Variants in AUTS2 observed in about 807,000 individuals in gnomAD.
AUTS2 encodes the protein activator of transcription and developmental regulator AUTS2.
A neutral mutation model predicts 112.4 loss-of-function variants in AUTS2; 17 were observed. That is an observed-to-expected ratio of 0.15 (90% CI 0.10 to 0.23). The LOEUF (loss-of-function observed/expected upper bound fraction) is 0.23, where lower values mean the gene tolerates loss of function less well. AUTS2 is among the 10% of genes least tolerant of loss of function. AUTS2 has a pLI of 1.00. For missense variants in AUTS2, 1,510 were observed against 1,701.6 expected (o/e 0.89, Z 1.98); for synonymous variants, 751 against 702.7 (o/e 1.07, Z -1.09).
chr7:69,782,570 T>C (rs1260339526), intron 1 of AUTS2, among the ~76,000 whole-genome samples: 2 of 152,208 alleles, frequency 1.3e-5, no homozygotes, highest in East Asian at 1.9e-4. Context: ...TTTTCCCAGC[T>C]GGTTCCTGGG....
At chr7:70,245,080 ACTGC>A (rs1260218972) in intron 4 of AUTS2, among the ~76,000 whole-genome samples, 7 of 147,112 alleles carry the variant, frequency 4.8e-5, no homozygotes, top group African/African-American at 1.8e-4. Context: ...AGGTTGCACC[ACTGC>A]ACTCCAGCCT....
intron 1 of AUTS2, among the ~76,000 whole-genome samples, chr7:69,870,256 G>T (rs754271689): frequency 6.6e-6 from 1 of 151,260 alleles, no homozygotes; most frequent in East Asian, 1.9e-4. Context: ...TAGTAAGACC[G>T]GGGGAATTTG....
intron 6 of AUTS2, among the ~76,000 whole-genome samples, chr7:70,726,445 G>A (rs894485007): frequency 3.3e-5 from 5 of 151,946 alleles, no homozygotes; most frequent in Non-Finnish European, 4.4e-5. Context: ...TCCTATTGTC[G>A]TATATGTGAT....
intron 4 of AUTS2, among the ~76,000 whole-genome samples, chr7:70,244,851 G>C (rs897339907): frequency 6.6e-6 from 1 of 151,988 alleles, no homozygotes; most frequent in African/African-American, 2.4e-5. Context: ...CGGGTGCGGC[G>C]GTTCACACCT....
At chr7:70,583,694 A>G (rs73706107) in intron 5 of AUTS2, among the ~76,000 whole-genome samples, 1,921 of 152,326 alleles carry the variant, frequency 0.013, 37 homozygotes, top group African/African-American at 0.041. Context: ...TCCAGGCACC[A>G]TGACCGCTGA....
chr7:69,733,187 C>T lies in AUTS2; in HGVS notation c.309+133225C>T, dbSNP rs115200957. Among the ~76,000 whole-genome samples the T allele has an allele frequency of 2.8e-3, 431 of 152,234 alleles. 5 individuals carry two copies. Among genetic ancestry groups the T allele is most frequent in the African/African-American group, 0.01 (418 of 41,544 alleles). On this transcript the variant is annotated intron_variant, in intron 1 of 18. Transcript: ENST00000342771. ...CTCCTGAGGGGATAGAGATGACAGG[C>T]TTCTTTTAGATAATCACTGTCAGTG...
chr7:69,796,863 T>C (rs755737280), intron 1 of AUTS2, among the ~76,000 whole-genome samples: 10 of 152,196 alleles, frequency 6.6e-5, no homozygotes, highest in Non-Finnish European at 1.0e-4. Context: ...ATTGTGATTA[T>C]TTCTTTGTAA....
At chr7:70,041,643 T>C (rs1287522532) in intron 2 of AUTS2, among the ~76,000 whole-genome samples, 3 of 152,228 alleles carry the variant, frequency 2.0e-5, no homozygotes, top group Non-Finnish European at 4.4e-5. Flanking sequence ...TATGTATGTA[T>C]ATGTGTTTGC....
At chr7:70,098,837 G>T (rs1338280713) in intron 2 of AUTS2, among the ~76,000 whole-genome samples, 1 of 151,688 alleles carries the variant, frequency 6.6e-6, no homozygotes, top group African/African-American at 2.4e-5. Context: ...CGAGTAGCTG[G>T]GATTACAAGC....
chr7:70,331,213 C>G (rs1451151643), intron 4 of AUTS2, among the ~76,000 whole-genome samples: 1 of 152,158 alleles, frequency 6.6e-6, no homozygotes, highest in Non-Finnish European at 1.5e-5. Context: ...TTAATTGCTG[C>G]TTCAATTTCA....
chr7:70,031,152 T>A (rs1348245833), intron 2 of AUTS2, among the ~76,000 whole-genome samples: 5 of 152,200 alleles, frequency 3.3e-5, no homozygotes, highest in Admixed American at 2.0e-4. Flanking sequence ...CCCATTGTTT[T>A]ATTGTGAGGG....
chr7:69,932,834 A>G (rs1306517570), intron 2 of AUTS2, among the ~76,000 whole-genome samples: 1 of 152,186 alleles, frequency 6.6e-6, no homozygotes, highest in Admixed American at 6.5e-5. Context: ...ACCGTTGAGA[A>G]TTTGGTTCTC....
chr7:70,572,542 T>C (rs1801991729), intron 5 of AUTS2, among the ~76,000 whole-genome samples: 1 of 152,074 alleles, frequency 6.6e-6, no homozygotes, highest in Non-Finnish European at 1.5e-5. Flanking sequence ...TAATAAAGCA[T>C]TAAAGTTAAA....
intron 2 of AUTS2, among the ~76,000 whole-genome samples, chr7:69,978,898 ACACG>A (rs1172042451): frequency 4.2e-4 from 60 of 141,846 alleles, no homozygotes; most frequent in African/African-American, 1.1e-3. Flanking sequence ...ACACACACAC[ACACG>A]CACACACGCA....
At chr7:70,071,719 A>G (rs1802775639) in intron 2 of AUTS2, among the ~76,000 whole-genome samples, 1 of 152,216 alleles carries the variant, frequency 6.6e-6, no homozygotes, top group Non-Finnish European at 1.5e-5. Context: ...GCTAGCATCA[A>G]TTCAGACACA....
intron 2 of AUTS2, among the ~76,000 whole-genome samples, chr7:69,962,827 C>T (rs947156501): frequency 2.6e-5 from 4 of 152,060 alleles, no homozygotes; most frequent in Middle Eastern, 3.4e-3. Flanking sequence ...AAGAAAAGCA[C>T]GTACAAAGGG....
chr7:70,191,721 C>G (rs1562777244), intron 4 of AUTS2, among the ~76,000 whole-genome samples: 1 of 152,028 alleles, frequency 6.6e-6, no homozygotes, highest in Non-Finnish European at 1.5e-5. Flanking sequence ...TGTTTGTAAC[C>G]ATTTTAATTG....
At chr7:70,058,240 G>A (rs746206888) in intron 2 of AUTS2, among the ~76,000 whole-genome samples, 1 of 152,190 alleles carries the variant, frequency 6.6e-6, no homozygotes, top group Non-Finnish European at 1.5e-5. Context: ...TGGACATTCA[G>A]TTAAATATCA....
At chr7:70,681,461 G>A (rs1280508315) in intron 5 of AUTS2, among the ~76,000 whole-genome samples, 1 of 152,108 alleles carries the variant, frequency 6.6e-6, no homozygotes, top group Non-Finnish European at 1.5e-5. Flanking sequence ...TACTGGGGGT[G>A]AGAAAATCCT....
Sources: allele counts gnomAD v4.1 joint callset (sites outside exome capture counted in the v4.1 genomes callset), GRCh38; gene constraint gnomAD v4.1.1; transcripts MANE v1.5; gene names NCBI Gene and HGNC (gene_info 2026-07-23, HGNC 2026-07-21).